The following TTC21A variants were observed in gnomAD, a reference collection of about 807,000 sequenced individuals.
TTC21A encodes tetratricopeptide repeat protein 21A.
TTC21A carries 128 observed loss-of-function variants against 156.4 expected under a neutral mutation model. That is an observed-to-expected ratio of 0.82 (90% CI 0.71 to 0.95). The LOEUF (loss-of-function observed/expected upper bound fraction) is 0.95, where lower values mean the gene tolerates loss of function less well. Ranked by LOEUF, TTC21A falls within the 40% of genes least tolerant of loss-of-function variation. TTC21A has a pLI of 0.00. For missense variants in TTC21A, 1,435 were observed against 1,602.3 expected, an observed-to-expected ratio of 0.90 and a Z score of 1.78; for synonymous variants, 587 against 617.1, an observed-to-expected ratio of 0.95 and a Z score of 0.72.
At chr3:39,116,567 C>G (rs1284265713) in intron 6 of TTC21A, among the ~76,000 whole-genome samples, 1 of 151,968 alleles carries the variant, frequency 6.6e-6, no homozygotes, top group African/African-American at 2.4e-5. Context: ...CCTCGAACCC[C>G]TGGGCTCAAG....
Position 39,112,482 on chromosome 3 carries a change from G to T in TTC21A, c.460G>T (p.Asp154Tyr). ...REAYVLRGWV[D>Y]LTSDKPHTAK... ...GGCCTATGTGCTCAGAGGCTGGGTG[G>T]ACCTGACCTCAGACAAGCCCCACAC... Residue 154 changes from aspartate to tyrosine, a missense_variant, in exon 5 of 29, where the codon GAC becomes TAC. Physicochemically the swap from Asp to Tyr is radical, Grantham distance 160. Coordinates refer to ENST00000683103, the MANE Select transcript of TTC21A (RefSeq NM_001366900.1). 6.2e-7 allele frequency: 1 copy of T among 1,614,206 alleles called. No individual in the cohort carries two copies. The highest frequency in any genetic ancestry group is 8.5e-7 in the Non-Finnish European group (1 of 1,180,030).
rs1361264901 is a variant in TTC21A at position 39,138,287 on chromosome 3, G to T, written c.3696G>T (p.Glu1232Asp). The stretch of plus-strand genomic sequence containing the variant: ...TGCAGTCCTGCTACAAGGCCTATGA[G>T]TACATGGGCTTCATCATGGAGAAGG... Reference protein sequence around the residue: ...QYNKSCYKAYEYMGFIMEKEQ... With the variant: ...QYNKSCYKAYDYMGFIMEKEQ... The change falls in exon 27 of 29, where the codon GAG (glutamate) becomes GAT (aspartate). Residue 1232 changes from glutamate (E) to aspartate (D), a missense_variant. By Grantham distance (45) the Glu-to-Asp change is conservative (BLOSUM62 2). Transcript: ENST00000683103. The T allele has an allele frequency of 6.2e-7, 1 of 1,614,184 alleles. No individual in the cohort carries two copies. Among genetic ancestry groups the T allele is most frequent in the Non-Finnish European group, 8.5e-7 (1 of 1,180,020 alleles).
intron 8 of TTC21A, 97 bp from the exon 9 acceptor site, chr3:39,120,900 G>T: frequency 1.8e-6 from 2 of 1,139,930 alleles, no homozygotes; most frequent in Non-Finnish European, 2.5e-6. Context: ...GGGCCTACCA[G>T]CCCTGCCTAC....
Position 39,125,161 on chromosome 3 carries a change from G to T in TTC21A, c.1191+1G>T, listed in dbSNP as rs765163171. On this transcript the variant is annotated splice_donor_variant, in intron 10 of 28. Transcript: ENST00000683103. LOFTEE classifies it high-confidence loss of function. ...GCAGAAGTCCCTTGGGAAGTCTGAG[G>T]TCAGAGCTCCCTGGGGGTATGGGTT... is the stretch of plus-strand genomic sequence containing the variant. 4.3e-6 allele frequency: 7 copies of T among 1,610,394 alleles called. No homozygotes were observed. Among genetic ancestry groups the T allele is most frequent in the Non-Finnish European group, 5.9e-6 (7 of 1,177,170 alleles).
At chr3:39,132,907 G>C (rs1489827241) in intron 19 of TTC21A, 145 bp from the exon 20 acceptor site, 2 of 787,514 alleles carry the variant, frequency 2.5e-6, no homozygotes, top group South Asian at 1.7e-5. Flanking sequence ...CAGTGGCTTT[G>C]CCTATTCAGA....
At chr3:39,132,733 G>A in intron 19 of TTC21A, 1 of 409,550 alleles carries the variant, frequency 2.4e-6, no homozygotes, top group Non-Finnish European at 4.5e-6. Flanking sequence ...CACCTACTGT[G>A]TGCTAGTTCT....
At chr3:39,123,865 G>A (rs2037982924) in intron 9 of TTC21A, among the ~76,000 whole-genome samples, 1 of 152,012 alleles carries the variant, frequency 6.6e-6, no homozygotes, top group Non-Finnish European at 1.5e-5. Context: ...AAAAAAACCA[G>A]GCAGGCTGTG....
At chr3:39,129,943 TG>T in intron 15 of TTC21A, 135 bp from the exon 16 acceptor site, 1 of 952,562 alleles carries the variant, frequency 1.0e-6, no homozygotes, top group Non-Finnish European at 1.6e-6. Flanking sequence ...TCATTCACAG[TG>T]GACTTTCTAT....
At chr3:39,133,585 G>A (rs937662489) in intron 20 of TTC21A, among the ~76,000 whole-genome samples, 4 of 152,192 alleles carry the variant, frequency 2.6e-5, no homozygotes, top group African/African-American at 9.7e-5. Context: ...AGGGCACTTT[G>A]GGCATGAAGT....
At chr3:39,120,199 CAT>C (rs1462949964) in intron 8 of TTC21A, among the ~76,000 whole-genome samples, 179 bp downstream of exon 8, 2 of 152,148 alleles carry the variant, frequency 1.3e-5, no homozygotes, top group Non-Finnish European at 2.9e-5. Context: ...ATAACTGTGA[CAT>C]GTGGGTTCTA....
chr3:39,110,843 A>C lies in TTC21A; in HGVS notation c.269-8A>C, dbSNP rs2036761766. On this transcript the variant is annotated splice_region_variant and splice_polypyrimidine_tract_variant and intron_variant, in intron 3 of 28. Transcript: ENST00000683103. Reference sequence around the variant, plus strand: ...ACTCTCCCTCTTCCTTCGCTCTTGGATTTACAGACCGAGAAGCAATTCAGG... The same window carrying C: ...ACTCTCCCTCTTCCTTCGCTCTTGGCTTTACAGACCGAGAAGCAATTCAGG... 6 of 1,613,622 alleles carry C rather than the reference A, an allele frequency of 3.7e-6. No homozygotes were observed. The highest frequency in any genetic ancestry group is 4.2e-6 in the Non-Finnish European group (5 of 1,179,970).
chr3:39,117,252 T>A (rs1423299316), intron 6 of TTC21A, among the ~76,000 whole-genome samples: 1 of 152,228 alleles, frequency 6.6e-6, no homozygotes, highest in African/African-American at 2.4e-5. Context: ...TGTATGAGGT[T>A]TACAGTGCTT....
At chr3:39,136,178 T>A (rs1394476882) in intron 22 of TTC21A, 179 bp from the exon 23 acceptor site, 1 of 573,244 alleles carries the variant, frequency 1.7e-6, no homozygotes, top group Non-Finnish European at 3.0e-6. Context: ...TTACTATTTT[T>A]AAGCATTAGT....
chr3:39,126,493 C>G, intron 12 of TTC21A, 103 bp downstream of exon 12: 1 of 924,438 alleles, frequency 1.1e-6, no homozygotes, highest in South Asian at 1.6e-5. Flanking sequence ...CACACACACA[C>G]ACACACACAC....
In TTC21A at chr3:39,119,973, G is replaced by A. The variant is rs1274971; in HGVS notation, c.853G>A (p.Glu285Lys). The A allele has an allele frequency of 0.34, 543,054 of 1,584,694 alleles. 103,962 individuals are homozygous for A. Among genetic ancestry groups the A allele is most frequent in the African/African-American group, 0.79 (57,940 of 73,766 alleles). The change falls in exon 8 of 29, where the codon GAA becomes AAA. Residue 285 changes from glutamate (E) to lysine (K), a missense_variant. By Grantham distance (56) the Glu-to-Lys change is moderately conservative (BLOSUM62 1). Transcript: ENST00000683103. ...LIKALETREP[E>K]NPSLHLKKII... Reference sequence around the variant, plus strand: ...TAAGGCACTAGAGACAAGGGAACCCGAAAATCCAAGCCTCCATCTTAAAAA... The same window carrying A: ...TAAGGCACTAGAGACAAGGGAACCCAAAAATCCAAGCCTCCATCTTAAAAA...
chr3:39,128,081 A>G (rs1307712637), intron 12 of TTC21A, among the ~76,000 whole-genome samples: 1 of 152,134 alleles, frequency 6.6e-6, no homozygotes, highest in East Asian at 1.9e-4. Context: ...TATCTCCCTG[A>G]GGGTTACAGA....
At chr3:39,135,858 A>T (rs1471814727) in intron 22 of TTC21A, among the ~76,000 whole-genome samples, 3 of 152,056 alleles carry the variant, frequency 2.0e-5, no homozygotes, top group African/African-American at 7.2e-5. Context: ...GATCGAAACC[A>T]TCCTGGCTAC....
chr3:39,117,942 T>C, intron 6 of TTC21A, 127 bp from the exon 7 acceptor site: 2 of 721,934 alleles, frequency 2.8e-6, no homozygotes, highest in East Asian at 2.5e-5. Context: ...CCTGGCTAAT[T>C]TGGGAGTTCT....
chr3:39,112,545 C>T lies in TTC21A; in HGVS notation c.523C>T (p.Gln175Ter). The T allele has an allele frequency of 1.2e-6, 2 of 1,614,178 alleles. No individual in the cohort carries two copies. Among genetic ancestry groups the T allele is most frequent in the Non-Finnish European group, 1.7e-6 (2 of 1,180,032 alleles). Reference sequence around the variant, plus strand: ...CATTGAGTACCTGGAACAAGGAATTCAGGACACCAAAGATGTGCTGGGGCT... The same window carrying T: ...CATTGAGTACCTGGAACAAGGAATTTAGGACACCAAAGATGTGCTGGGGCT... ...KAIEYLEQGI[Q>*]DTKDVLGLMG... is the part of the protein sequence containing the mutation. The change falls in exon 5 of 29, where the codon CAG becomes TAG. Residue 175 changes from glutamine (Q) to a stop codon, truncating the protein, a stop_gained. Coordinates refer to ENST00000683103, the MANE Select transcript of TTC21A (RefSeq NM_001366900.1). LOFTEE classifies it high-confidence loss of function.
Sources: allele counts gnomAD v4.1 joint callset (sites outside exome capture counted in the v4.1 genomes callset), GRCh38; gene constraint gnomAD v4.1.1; transcripts MANE v1.5; gene names NCBI Gene and HGNC (gene_info 2026-07-23, HGNC 2026-07-21).